Variants in ADAM22 observed in about 807,000 individuals in gnomAD.
The protein encoded by ADAM22 is ADAM metallopeptidase domain 22, also known as disintegrin and metalloproteinase domain-containing protein 22.
ADAM22 carries 65 observed loss-of-function variants against 144.6 expected under a neutral mutation model. The observed-to-expected ratio is 0.45, with a 90% CI of 0.37 to 0.55. The LOEUF is 0.55. Among genes scored for constraint, ADAM22 ranks in the 20% least tolerant of loss-of-function variants. The pLI, the probability that ADAM22 is intolerant of heterozygous loss-of-function variation, is 0.00. For synonymous variants in ADAM22, 391 were observed against 412.6 expected (o/e 0.95, Z 0.63); for missense variants, 974 against 1,184.9 (o/e 0.82, Z 2.61).
chr7:88,014,804 T>C (rs1164404969), intron 3 of ADAM22, among the ~76,000 whole-genome samples: 1 of 152,210 alleles, frequency 6.6e-6, no homozygotes, highest in Non-Finnish European at 1.5e-5. Flanking sequence ...CATTGAGATA[T>C]GTGGTATTCT....
chr7:88,147,011 C>G (rs1222375875), intron 17 of ADAM22, among the ~76,000 whole-genome samples: 1 of 152,246 alleles, frequency 6.6e-6, no homozygotes, highest in Non-Finnish European at 1.5e-5. Flanking sequence ...TCTTAATCCT[C>G]AATGTTTTAA....
chr7:88,135,768 T>G (rs944577175), intron 13 of ADAM22, among the ~76,000 whole-genome samples: 2 of 152,172 alleles, frequency 1.3e-5, no homozygotes, highest in Non-Finnish European at 2.9e-5. Context: ...AGGGTTTTTT[T>G]GGGGCAAAAA....
chr7:88,000,554 CTGTT>C (rs946342918), intron 3 of ADAM22, among the ~76,000 whole-genome samples: 20 of 152,036 alleles, frequency 1.3e-4, no homozygotes, highest in African/African-American at 4.6e-4. Context: ...TGTCTTCATT[CTGTT>C]TCTTTATTCT....
chr7:87,934,973 CA>C, intron 1 of ADAM22, 52 bp from the exon 2 acceptor site: 1 of 1,610,304 alleles, frequency 6.2e-7, no homozygotes, highest in African/African-American at 1.3e-5. Context: ...GGGTCAGGGT[CA>C]TTATTTTCGC....
chr7:88,026,000 G>A (rs1244171248), intron 3 of ADAM22, among the ~76,000 whole-genome samples: 1 of 152,030 alleles, frequency 6.6e-6, no homozygotes, highest in African/African-American at 2.4e-5. Flanking sequence ...TTGTGTGTGT[G>A]TCCTCTTCAA....
chr7:87,972,436 A>G (rs1850692838), intron 2 of ADAM22, among the ~76,000 whole-genome samples: 1 of 151,980 alleles, frequency 6.6e-6, no homozygotes, highest in African/African-American at 2.4e-5. Flanking sequence ...ATAAAAGAGG[A>G]TACAAACAAA....
chr7:88,001,703 C>A (rs1792606067), intron 3 of ADAM22, among the ~76,000 whole-genome samples: 3 of 151,898 alleles, frequency 2.0e-5, no homozygotes, highest in Admixed American at 2.0e-4. Context: ...GCTGCCACTT[C>A]ATAACTTTGT....
At chr7:88,022,252 C>A (rs10235694) in intron 3 of ADAM22, among the ~76,000 whole-genome samples, 74,288 of 151,686 alleles carry the variant, frequency 0.49, 18,507 homozygotes, top group East Asian at 0.64. Flanking sequence ...CCATCACTTA[C>A]CTATTAATGT....
intron 2 of ADAM22, among the ~76,000 whole-genome samples, chr7:87,945,544 C>T (rs1177312605): frequency 6.8e-6 from 1 of 147,656 alleles, no homozygotes; most frequent in Non-Finnish European, 1.5e-5. Flanking sequence ...GATGGAGTCT[C>T]ACTCTGTCGC....
In ADAM22 at chr7:88,135,946, TTA is replaced by T. The variant is rs1832899236; in HGVS notation, c.1169-31_1169-30del. 2.5e-6 allele frequency: 4 copies of T among 1,591,500 alleles called. No homozygotes were observed. In the East Asian group the frequency reaches 9.0e-5, roughly 36 times the overall value. On this transcript the variant is annotated intron_variant, in intron 13 of 31. Transcript: ENST00000413139. Reference sequence around the variant, plus strand: ...CTACTTTAATGCAACTGTGTTCACTTTATAACAAGGCATGTGTATTAATTTTC... The same window carrying T: ...CTACTTTAATGCAACTGTGTTCACTTTAACAAGGCATGTGTATTAATTTTC...
intron 4 of ADAM22, among the ~76,000 whole-genome samples, chr7:88,079,303 T>C (rs1045422852): frequency 3.3e-5 from 5 of 152,014 alleles, no homozygotes; most frequent in African/African-American, 1.2e-4. Flanking sequence ...TGCTGAGAGA[T>C]TTTGTCACCA....
At chr7:88,095,419 A>G (rs1249155468) in intron 4 of ADAM22, among the ~76,000 whole-genome samples, 4 of 152,212 alleles carry the variant, frequency 2.6e-5, no homozygotes, top group Non-Finnish European at 5.9e-5. Flanking sequence ...TTCACCCAAC[A>G]GTATGTCAGA....
intron 3 of ADAM22, among the ~76,000 whole-genome samples, chr7:88,065,562 G>A (rs937065026): frequency 3.9e-5 from 6 of 151,928 alleles, no homozygotes; most frequent in Admixed American, 1.3e-4. Context: ...TCTTCATAAT[G>A]TATGCCTGTT....
chr7:88,173,291 C>T (rs1459965897), intron 26 of ADAM22, among the ~76,000 whole-genome samples: 1 of 151,986 alleles, frequency 6.6e-6, no homozygotes, highest in Non-Finnish European at 1.5e-5. Context: ...TTTCATTGAT[C>T]TGGCTACTCT....
At chr7:88,139,646 C>T (rs1834034507) in intron 14 of ADAM22, among the ~76,000 whole-genome samples, 1 of 152,072 alleles carries the variant, frequency 6.6e-6, no homozygotes, top group Non-Finnish European at 1.5e-5. Context: ...ACTTAATTAT[C>T]ATAACCAAGG....
intron 4 of ADAM22, among the ~76,000 whole-genome samples, chr7:88,086,540 A>G (rs1331823530): frequency 1.3e-5 from 2 of 152,246 alleles, no homozygotes; most frequent in Non-Finnish European, 2.9e-5. Flanking sequence ...TATTCCTTTA[A>G]TGGGACATAT....
chr7:87,938,207 A>ATTTTTTTTTTTT (rs59698275), intron 2 of ADAM22, among the ~76,000 whole-genome samples: 1 of 75,554 alleles, frequency 1.3e-5, no homozygotes, highest in Non-Finnish European at 2.4e-5. Flanking sequence ...ATACCCATAG[A>ATTTTTTTTTTTT]TTTTTTTTTT....
At chr7:87,951,573 G>A (rs1190118945) in intron 2 of ADAM22, among the ~76,000 whole-genome samples, 2 of 80,698 alleles carry the variant, frequency 2.5e-5, no homozygotes, top group East Asian at 2.6e-4. Flanking sequence ...GTCAGGTAGC[G>A]TGATGCCTCC....
intron 2 of ADAM22, among the ~76,000 whole-genome samples, chr7:87,939,336 G>T (rs989584542): frequency 3.9e-5 from 6 of 152,206 alleles, no homozygotes; most frequent in African/African-American, 1.2e-4. Context: ...GGACAGATAA[G>T]ATAAAACAGG....
Sources: allele counts gnomAD v4.1 joint callset (sites outside exome capture counted in the v4.1 genomes callset), GRCh38; gene constraint gnomAD v4.1.1; transcripts MANE v1.5; gene names NCBI Gene and HGNC (gene_info 2026-07-23, HGNC 2026-07-21).